Variants in CHST9 observed in about 807,000 individuals in gnomAD.
The protein encoded by CHST9 is GalNAc-4-sulfotransferase 2.
Under a neutral mutation model 44.4 loss-of-function variants are expected in CHST9, and 41 were observed. That is an observed-to-expected ratio of 0.92 (90% CI 0.72 to 1.20). The LOEUF (loss-of-function observed/expected upper bound fraction) is 1.20. Among genes scored for constraint, CHST9 ranks in the 50% most tolerant of loss-of-function variants. The pLI is 0.00. For missense variants in CHST9, 504 were observed against 516.5 expected, an observed-to-expected ratio of 0.98 and a Z score of 0.23; for synonymous variants, 171 against 178.4, an observed-to-expected ratio of 0.96 and a Z score of 0.33.
At chr18:27,184,497 G>A (rs1236902741) in intron 1 of CHST9, among the ~76,000 whole-genome samples, 2 of 152,006 alleles carry the variant, frequency 1.3e-5, no homozygotes, top group African/African-American at 4.8e-5. Flanking sequence ...CCCACTTGGA[G>A]CCCCTCCTCA....
intron 3 of CHST9, among the ~76,000 whole-genome samples, chr18:27,035,115 TCA>T (rs1488315272): frequency 6.6e-6 from 1 of 152,198 alleles, no homozygotes; most frequent in African/African-American, 2.4e-5. Flanking sequence ...ATTTACATTA[TCA>T]CCAACAGTGT....
chr18:26,928,000 C>CA (rs35399968), intron 5 of CHST9, among the ~76,000 whole-genome samples: 65,006 of 151,830 alleles, frequency 0.43, 14,359 homozygotes, highest in East Asian at 0.7. Flanking sequence ...TGACTTTTAA[C>CA]AGCACGCTGC....
At chr18:27,160,918 C>A (rs577098336) in intron 1 of CHST9, among the ~76,000 whole-genome samples, 4 of 152,288 alleles carry the variant, frequency 2.6e-5, no homozygotes, top group African/African-American at 9.6e-5. Context: ...GTAGTATTCT[C>A]TGATGGTAGT....
chr18:26,958,504 A>C (rs2056357588), intron 4 of CHST9, among the ~76,000 whole-genome samples: 1 of 152,152 alleles, frequency 6.6e-6, no homozygotes. Flanking sequence ...GACCTAGTTA[A>C]ACTAAAGAGC....
At chr18:27,182,640 A>G (rs756599397) in intron 1 of CHST9, among the ~76,000 whole-genome samples, 1 of 152,216 alleles carries the variant, frequency 6.6e-6, no homozygotes, top group South Asian at 2.1e-4. Context: ...ATTAGAGCAA[A>G]CACCCCTAAA....
chr18:27,037,021 C>A (rs1217679657), intron 3 of CHST9, among the ~76,000 whole-genome samples: 2 of 152,168 alleles, frequency 1.3e-5, no homozygotes. Context: ...AGAACATCTA[C>A]ATGCTTATTG....
intron 2 of CHST9, among the ~76,000 whole-genome samples, chr18:27,070,148 G>A (rs528330108): frequency 1.3e-5 from 2 of 152,266 alleles, no homozygotes; most frequent in South Asian, 4.1e-4. Flanking sequence ...CTTATATTTA[G>A]AACTTTCTTG....
chr18:26,908,126 TA>T lies in CHST9; in HGVS notation c.*8132del. 6.6e-6 allele frequency: 1 copy of T among 152,374 alleles called. No homozygotes were observed. The highest frequency in any genetic ancestry group is 2.1e-4 in the South Asian group (1 of 4,824). The allele number at this position is 152,374 out of a possible 1,614,324, so 9.4% of individuals were successfully genotyped here. On this transcript the variant is annotated 3_prime_UTR_variant, in exon 6 of 6. Transcript: ENST00000618847. ...ACTAAATGCTGCTGAACTGTACACT[TA>T]AAAAATGGTGGCAAGGCATGGTGGC...
chr18:27,014,008 G>A (rs2057116479), intron 4 of CHST9, among the ~76,000 whole-genome samples: 3 of 152,000 alleles, frequency 2.0e-5, no homozygotes, highest in African/African-American at 7.2e-5. Flanking sequence ...CTATGATTGT[G>A]GTATTATCAT....
intron 1 of CHST9, among the ~76,000 whole-genome samples, chr18:27,163,440 CT>C (rs1403533657): frequency 1.3e-5 from 2 of 152,196 alleles, no homozygotes; most frequent in East Asian, 3.9e-4. Context: ...GGCAGGCCTC[CT>C]TGAGCTGCAG....
chr18:26,965,956 T>C (rs760486117), intron 4 of CHST9, among the ~76,000 whole-genome samples: 4 of 152,160 alleles, frequency 2.6e-5, no homozygotes, highest in Admixed American at 1.3e-4. Context: ...TGAGACAAGA[T>C]TGACAATTAA....
At chr18:27,001,627 A>T (rs1354981574) in intron 4 of CHST9, among the ~76,000 whole-genome samples, 2 of 151,888 alleles carry the variant, frequency 1.3e-5, no homozygotes, top group Admixed American at 6.6e-5. Flanking sequence ...AGGCATTATT[A>T]AAAAAAGACT....
intron 2 of CHST9, among the ~76,000 whole-genome samples, chr18:27,103,655 A>G (rs971255961): frequency 1.3e-5 from 2 of 152,242 alleles, no homozygotes; most frequent in Admixed American, 1.3e-4. Context: ...AATAAGGATT[A>G]TTGAAAGAGA....
At position 27,061,927 on chromosome 18, in the gene CHST9, C is replaced by A. The variant is rs563020674; in HGVS notation, c.122-13424G>T. Among the ~76,000 whole-genome samples the A allele has an allele frequency of 5.3e-5, 8 of 152,288 alleles. 1 individual carries two copies. In the South Asian group the frequency reaches 1.5e-3, roughly 28 times the overall value. ...AAGCATGTCGAAACCCATTGTACAA[C>A]CTTTGCCGACATAAAGGCACCAAAA... is the stretch of plus-strand genomic sequence containing the variant. On this transcript the variant is annotated intron_variant, in intron 2 of 5. Coordinates refer to ENST00000618847, the MANE Select transcript of CHST9 (RefSeq NM_031422.6).
At chr18:27,177,134 G>C (rs888993016) in intron 1 of CHST9, among the ~76,000 whole-genome samples, 1 of 151,864 alleles carries the variant, frequency 6.6e-6, no homozygotes, top group African/African-American at 2.4e-5. Context: ...AATGTTAGAA[G>C]GTAAAAGGGT....
At chr18:27,000,649 T>TATCTATCTATC (rs1555675568) in intron 4 of CHST9, among the ~76,000 whole-genome samples, 1 of 151,476 alleles carries the variant, frequency 6.6e-6, no homozygotes, top group African/African-American at 2.4e-5. Context: ...TCTATCTATC[T>TATCTATCTATC]ATCTATCTCT....
chr18:27,162,585 T>C (rs1262925641), intron 1 of CHST9, among the ~76,000 whole-genome samples: 2 of 152,326 alleles, frequency 1.3e-5, no homozygotes, highest in Admixed American at 6.5e-5. Flanking sequence ...CAATTATGTG[T>C]CTTGGAGTTG....
chr18:27,072,740 C>A (rs755165612), intron 2 of CHST9, among the ~76,000 whole-genome samples: 25 of 152,120 alleles, frequency 1.6e-4, no homozygotes, highest in Non-Finnish European at 2.8e-4. Flanking sequence ...TGGCAGAAGA[C>A]TTTTTAGTCC....
chr18:26,952,150 C>A, intron 4 of CHST9: 1 of 504,338 alleles, frequency 2.0e-6, no homozygotes. Context: ...ATATCAGAAG[C>A]TTCCACATCA....
Sources: allele counts gnomAD v4.1 joint callset (sites outside exome capture counted in the v4.1 genomes callset), GRCh38; gene constraint gnomAD v4.1.1; transcripts MANE v1.5; gene names NCBI Gene and HGNC (gene_info 2026-07-23, HGNC 2026-07-21).